Variants in KCMF1 observed in about 807,000 individuals in gnomAD.
The protein encoded by KCMF1 is potassium channel modulatory factor 1.
In KCMF1, 3 loss-of-function variants were observed where a neutral mutation model predicts 41.1. The observed-to-expected ratio is 0.07, with a 90% CI of 0.03 to 0.19. The LOEUF (loss-of-function observed/expected upper bound fraction) is 0.19. Ranked by LOEUF, KCMF1 falls within the 10% of genes least tolerant of loss-of-function variation. The probability of loss-of-function intolerance (pLI) is 1.00; values close to 1 mark genes in which losing one functional copy is unlikely to be tolerated. For missense variants in KCMF1, 286 were observed against 488.9 expected (o/e 0.58, Z 3.91); for synonymous variants, 142 against 164.5 (o/e 0.86, Z 1.04).
intron 1 of KCMF1, among the ~76,000 whole-genome samples, chr2:85,016,816 A>T (rs1674780643): frequency 6.6e-6 from 1 of 151,392 alleles, no homozygotes; most frequent in Non-Finnish European, 1.5e-5. Context: ...CAGTCTCCCG[A>T]GTAACTGGGA....
Position 85,054,888 on chromosome 2 carries a change from A to C in KCMF1, c.*1479A>C, listed in dbSNP as rs916139736. On this transcript the variant is annotated 3_prime_UTR_variant, in exon 7 of 7. Transcript: ENST00000409785. The stretch of plus-strand genomic sequence containing the variant: ...CGTTTCTTCAACATGACAAGCATAC[A>C]GACTTGAACACCCCTCCGGTGTTCT... 10 of 152,132 alleles carry C rather than the reference A, an allele frequency of 6.6e-5. No individual in the cohort carries two copies. Among genetic ancestry groups the C allele is most frequent in the African/African-American group, 2.4e-4 (10 of 41,436 alleles). The allele number at this position is 152,132 out of a possible 1,614,324, so 9.4% of individuals were successfully genotyped here. A position where few individuals can be genotyped will look rare whatever the true frequency, so the allele number is the denominator to read the frequency against.
chr2:84,990,899 T>TA (rs1674025677), intron 1 of KCMF1, among the ~76,000 whole-genome samples: 1 of 152,042 alleles, frequency 6.6e-6, no homozygotes, highest in Non-Finnish European at 1.5e-5. Context: ...ATTTTAGGCC[T>TA]TGGTGAGGAA....
chr2:85,000,211 C>T (rs995702897), intron 1 of KCMF1, among the ~76,000 whole-genome samples: 2 of 151,768 alleles, frequency 1.3e-5, no homozygotes, highest in South Asian at 2.1e-4. Context: ...CTGCAAGCTC[C>T]GCTTCCCAGG....
chr2:85,017,582 T>C (rs1472128151), intron 1 of KCMF1, among the ~76,000 whole-genome samples: 27 of 98,156 alleles, frequency 2.8e-4, no homozygotes, highest in African/African-American at 1.0e-3. Flanking sequence ...CCCCCCCAAA[T>C]CACATGATAG....
chr2:85,031,619 G>A (rs1675270221), intron 2 of KCMF1, among the ~76,000 whole-genome samples: 1 of 152,154 alleles, frequency 6.6e-6, no homozygotes, highest in Admixed American at 6.5e-5. Context: ...ATGTTTGGTA[G>A]GTTAGGTGTA....
chr2:85,003,658 TA>T (rs1674390899), intron 1 of KCMF1, among the ~76,000 whole-genome samples: 1 of 152,136 alleles, frequency 6.6e-6, no homozygotes, highest in Admixed American at 6.6e-5. Context: ...CTCCCGATGT[TA>T]CCCAGGTGGA....
chr2:85,017,521 TACAC>T (rs920902703), intron 1 of KCMF1, among the ~76,000 whole-genome samples: 5 of 152,002 alleles, frequency 3.3e-5, no homozygotes, highest in African/African-American at 9.7e-5. Context: ...GAAGAGATAA[TACAC>T]AGACATTTCA....
At position 85,054,784 on chromosome 2, in the gene KCMF1, A is replaced by C. The variant is rs1675890145; in HGVS notation, c.*1375A>C. On this transcript the variant is annotated 3_prime_UTR_variant, in exon 7 of 7. Coordinates refer to ENST00000409785, the MANE Select transcript of KCMF1 (RefSeq NM_020122.5). ...ACTTAACCTAATCATGTCTCGTTCC[A>C]GTTCTCTTTTCTCTGAGCCCTTTTC... is the stretch of plus-strand genomic sequence containing the variant. The C allele has an allele frequency of 6.6e-6, 1 of 152,162 alleles. No homozygotes were observed. Among genetic ancestry groups the C allele is most frequent in the African/African-American group, 2.4e-5 (1 of 41,432 alleles). The allele number at this position is 152,162 out of a possible 1,614,324, so 9.4% of individuals were successfully genotyped here.
At chr2:85,033,360 CT>C (rs1248819449) in intron 2 of KCMF1, among the ~76,000 whole-genome samples, 3 of 152,050 alleles carry the variant, frequency 2.0e-5, no homozygotes, top group Non-Finnish European at 2.9e-5. Context: ...TTTTATGTTT[CT>C]GTCTCTCTGT....
intron 3 of KCMF1, among the ~76,000 whole-genome samples, chr2:85,042,903 C>G (rs1172986582): frequency 6.6e-6 from 1 of 152,140 alleles, no homozygotes; most frequent in African/African-American, 2.4e-5. Context: ...CCATCTCTTG[C>G]CAAGAGGCCC....
chr2:85,052,614 G>T (rs573201494), intron 6 of KCMF1, among the ~76,000 whole-genome samples: 2 of 152,282 alleles, frequency 1.3e-5, no homozygotes, highest in South Asian at 4.1e-4. Flanking sequence ...CTTGGTAGAA[G>T]AAATGTAGGA....
chr2:85,003,283 C>T (rs568791618), intron 1 of KCMF1, among the ~76,000 whole-genome samples: 1 of 152,122 alleles, frequency 6.6e-6, no homozygotes, highest in South Asian at 2.1e-4. Flanking sequence ...ACCATTCTGG[C>T]TAACACGGTG....
intron 3 of KCMF1, among the ~76,000 whole-genome samples, chr2:85,042,690 A>G (rs1431026353): frequency 1.3e-5 from 2 of 152,280 alleles, no homozygotes; most frequent in Admixed American, 6.5e-5. Flanking sequence ...AGGCTTGGCT[A>G]CCATTGTTAG....
At chr2:84,974,613 C>G (rs1465827842) in intron 1 of KCMF1, among the ~76,000 whole-genome samples, 1 of 132,894 alleles carries the variant, frequency 7.5e-6, no homozygotes, top group African/African-American at 2.8e-5. Context: ...GATCATGGCT[C>G]TGTTCCAATT....
intron 2 of KCMF1, 60 bp downstream of exon 2, chr2:85,028,116 TAAAGGC>T: frequency 8.8e-7 from 1 of 1,137,054 alleles, no homozygotes; most frequent in South Asian, 1.5e-5. Context: ...GTTGAAGAAG[TAAAGGC>T]AAAGTGTTCT....
Position 85,035,942 on chromosome 2 carries a change from G to A in KCMF1, c.324+787G>A, listed in dbSNP as rs573796041. On this transcript the variant is annotated intron_variant, in intron 3 of 6. Transcript: ENST00000409785. ...TGCATCAACTAATAAGCCCGTAAAT[G>A]TACTCAAAACAAATTAATTGAAACC... 8.5e-5 allele frequency among the ~76,000 whole-genome samples: 13 copies of A among 152,242 alleles called. No individual in the cohort carries two copies. In the South Asian group the frequency reaches 2.7e-3, roughly 32 times the overall value.
At position 85,054,875 on chromosome 2, in the gene KCMF1, A is replaced by G. The variant is rs1001675590; in HGVS notation, c.*1466A>G. The G allele has an allele frequency of 6.6e-6, 1 of 152,146 alleles. No homozygotes were observed. The highest frequency in any genetic ancestry group is 1.5e-5 in the Non-Finnish European group (1 of 68,026). The allele number at this position is 152,146 out of a possible 1,614,324, so 9.4% of individuals were successfully genotyped here. A position where few individuals can be genotyped will look rare whatever the true frequency, so the allele number is the denominator to read the frequency against. On this transcript the variant is annotated 3_prime_UTR_variant, in exon 7 of 7. Transcript: ENST00000409785. ...GTCCGTGTATCTCCGTTTCTTCAAC[A>G]TGACAAGCATACAGACTTGAACACC...
chr2:85,018,921 G>A (rs969706090), intron 1 of KCMF1, among the ~76,000 whole-genome samples: 3 of 146,954 alleles, frequency 2.0e-5, no homozygotes, highest in African/African-American at 7.5e-5. Flanking sequence ...ATTTTTAGTA[G>A]AGATGGGATT....
chr2:85,051,105 T>A (rs1460544442), intron 6 of KCMF1, among the ~76,000 whole-genome samples: 1 of 152,256 alleles, frequency 6.6e-6, no homozygotes, highest in Non-Finnish European at 1.5e-5. Context: ...TATCAACATT[T>A]GTTATGAAAC....
Sources: allele counts gnomAD v4.1 joint callset (sites outside exome capture counted in the v4.1 genomes callset), GRCh38; gene constraint gnomAD v4.1.1; transcripts MANE v1.5; gene names NCBI Gene and HGNC (gene_info 2026-07-23, HGNC 2026-07-21).